Variants in ADARB1 observed in about 807,000 individuals in gnomAD.
The protein encoded by ADARB1 is adenosine deaminase RNA specific B1.
ADARB1 carries 10 observed loss-of-function variants against 52.4 expected under a neutral mutation model. That is an observed-to-expected ratio of 0.19 (90% CI 0.12 to 0.32). The LOEUF is 0.32. ADARB1 is among the 10% of genes least tolerant of loss of function. ADARB1 has a pLI of 1.00. For missense variants in ADARB1, 643 were observed against 922.3 expected (o/e 0.70, Z 3.92); for synonymous variants, 349 against 371.1 (o/e 0.94, Z 0.68).
intron 1 of ADARB1, among the ~76,000 whole-genome samples, chr21:45,088,084 G>A (rs11911148): frequency 6.6e-6 from 1 of 152,200 alleles, no homozygotes; most frequent in African/African-American, 2.4e-5. Flanking sequence ...ATAGGTGTCA[G>A]TGTGACTCTG....
chr21:45,219,901 G>A (rs745986099), intron 9 of ADARB1, among the ~76,000 whole-genome samples: 3 of 151,642 alleles, frequency 2.0e-5, no homozygotes, highest in Non-Finnish European at 4.4e-5. Flanking sequence ...CAAGCAAAAC[G>A]CCTTGAGCAT....
intron 1 of ADARB1, among the ~76,000 whole-genome samples, chr21:45,114,164 G>C (rs2087703088): frequency 6.6e-6 from 1 of 152,190 alleles, no homozygotes; most frequent in South Asian, 2.1e-4. Flanking sequence ...GGAAGGCTTG[G>C]AGGTTGTTTT....
chr21:45,087,709 A>G (rs951634235), intron 1 of ADARB1, among the ~76,000 whole-genome samples: 1 of 152,176 alleles, frequency 6.6e-6, no homozygotes, highest in Non-Finnish European at 1.5e-5. Flanking sequence ...AGTAAAATAG[A>G]TGGTTAATAT....
intron 1 of ADARB1, among the ~76,000 whole-genome samples, chr21:45,116,552 A>G (rs1004802113): frequency 6.6e-6 from 1 of 152,222 alleles, no homozygotes; most frequent in African/African-American, 2.4e-5. Context: ...ATAAAGACAT[A>G]CCAAAGACTG....
intron 1 of ADARB1, among the ~76,000 whole-genome samples, chr21:45,092,354 TCTC>T (rs2086590836): frequency 6.6e-6 from 1 of 152,228 alleles, no homozygotes; most frequent in Non-Finnish European, 1.5e-5. Flanking sequence ...CTCTCTCTCT[TCTC>T]ATTCTCTCTA....
At chr21:45,211,419 T>C (rs1239011830) in intron 9 of ADARB1, among the ~76,000 whole-genome samples, 3 of 152,224 alleles carry the variant, frequency 2.0e-5, no homozygotes, top group African/African-American at 7.2e-5. Flanking sequence ...ATTTGCAGAA[T>C]AAAGGCCACT....
chr21:45,129,604 G>T (rs919357845), intron 2 of ADARB1, among the ~76,000 whole-genome samples: 4 of 152,226 alleles, frequency 2.6e-5, no homozygotes, highest in Non-Finnish European at 5.9e-5. Context: ...CATGTGAGCC[G>T]CTCACTGGAC....
intron 2 of ADARB1, among the ~76,000 whole-genome samples, chr21:45,156,728 T>C (rs2090676521): frequency 6.6e-6 from 1 of 152,100 alleles, no homozygotes; most frequent in African/African-American, 2.4e-5. Flanking sequence ...ATTACACCCT[T>C]CTCTGCATGC....
chr21:45,120,918 C>T (rs1001426964), intron 1 of ADARB1: 2 of 152,166 alleles, frequency 1.3e-5, no homozygotes, highest in Admixed American at 6.5e-5. Context: ...CTGTTCAGTG[C>T]GTTGATCGAT....
intron 2 of ADARB1, among the ~76,000 whole-genome samples, chr21:45,168,809 G>A (rs1012236575): frequency 2.0e-5 from 3 of 151,966 alleles, no homozygotes; most frequent in Non-Finnish European, 4.4e-5. Flanking sequence ...TGTCATCTCC[G>A]TGTTGGCATC....
intron 2 of ADARB1, among the ~76,000 whole-genome samples, chr21:45,143,772 C>T (rs911358839): frequency 1.3e-5 from 2 of 152,236 alleles, no homozygotes; most frequent in African/African-American, 2.4e-5. Context: ...AGAGAACACT[C>T]TTCCCAGCTG....
chr21:45,192,074 A>G (rs1303393919), intron 8 of ADARB1, among the ~76,000 whole-genome samples: 1 of 151,776 alleles, frequency 6.6e-6, no homozygotes, highest in Non-Finnish European at 1.5e-5. Context: ...TGAAGGTTTG[A>G]GGCTTCTTTG....
intron 8 of ADARB1, among the ~76,000 whole-genome samples, chr21:45,188,340 C>T (rs992030877): frequency 7.2e-5 from 11 of 152,186 alleles, no homozygotes; most frequent in Admixed American, 2.6e-4. Context: ...TTCCTGACCT[C>T]AGGTGATTCA....
In ADARB1 at chr21:45,208,246, G is replaced by A. The variant is rs1422255092; in HGVS notation, c.1747+3510G>A. ...AGAAGGAGCAGGGTGCCCAAATGCCGCATGCGATGGCTCTGGGGACCTTGT... is the reference window on the plus strand; with the variant it reads ...AGAAGGAGCAGGGTGCCCAAATGCCACATGCGATGGCTCTGGGGACCTTGT... On this transcript the variant is annotated intron_variant, in intron 9 of 10. Coordinates refer to ENST00000348831, the MANE Select transcript of ADARB1 (RefSeq NM_001112.4). This position sits in a 1 kb window ranked among gnomAD's most constrained non-coding sequence, Gnocchi z 5.6. Among the ~76,000 whole-genome samples, 5 of 152,212 alleles carry A rather than the reference G, an allele frequency of 3.3e-5. No individual in the cohort carries two copies. Among genetic ancestry groups the A allele is most frequent in the South Asian group, 2.1e-4 (1 of 4,828 alleles).
chr21:45,162,804 C>T (rs1023728788), intron 2 of ADARB1, among the ~76,000 whole-genome samples: 3 of 152,226 alleles, frequency 2.0e-5, no homozygotes, highest in African/African-American at 7.2e-5. Flanking sequence ...CAGCTCACAG[C>T]ACCAGACACT....
intron 9 of ADARB1, among the ~76,000 whole-genome samples, chr21:45,214,893 C>T (rs541844224): frequency 6.6e-6 from 1 of 152,326 alleles, no homozygotes; most frequent in Admixed American, 6.5e-5. Context: ...TTATAGTCCA[C>T]TCATCAGTTC....
intron 2 of ADARB1, among the ~76,000 whole-genome samples, chr21:45,141,744 A>C (rs1264673522): frequency 7.2e-6 from 1 of 139,036 alleles, no homozygotes; most frequent in Admixed American, 7.0e-5. Flanking sequence ...TCCCTGGGTC[A>C]CCTTAGCCAC....
intron 2 of ADARB1, among the ~76,000 whole-genome samples, chr21:45,129,792 G>T (rs571652677): frequency 4.9e-4 from 74 of 152,312 alleles, no homozygotes; most frequent in African/African-American, 1.7e-3. Flanking sequence ...GGGGGACGCC[G>T]TCTTTGGGGA....
chr21:45,195,497 A>G (rs777232966), intron 8 of ADARB1, among the ~76,000 whole-genome samples: 10 of 151,700 alleles, frequency 6.6e-5, no homozygotes, highest in Non-Finnish European at 1.3e-4. Context: ...GATCATCTAG[A>G]TTTTCTTCTG....
Sources: gnomAD v4.1 joint callset for allele counts (sites outside exome capture counted in the v4.1 genomes callset) on GRCh38, gnomAD v4.1.1 for gene constraint, Gnocchi (gnomAD v3.1) non-coding constraint, MANE v1.5 for transcripts, NCBI Gene and HGNC (gene_info 2026-07-23, HGNC 2026-07-21) for gene names.